BMPER: variants seen among roughly 807,000 people sequenced by gnomAD.
BMPER encodes BMP binding endothelial regulator, also known as BMP-binding endothelial regulator protein.
BMPER carries 45 observed loss-of-function variants against 87.3 expected under a neutral mutation model. That is an observed-to-expected ratio of 0.52 (90% confidence interval 0.41 to 0.66). The LOEUF is 0.66. Ranked by LOEUF, BMPER falls within the 30% of genes least tolerant of loss-of-function variation. BMPER has a pLI of 0.00. For synonymous variants in BMPER, 326 were observed against 316.2 expected (o/e 1.03, Z -0.33); for missense variants, 784 against 867.5 (o/e 0.90, Z 1.21).
chr7:34,032,121 C>T (rs1002413501), intron 6 of BMPER, among the ~76,000 whole-genome samples: 2 of 151,158 alleles, frequency 1.3e-5, no homozygotes, highest in Non-Finnish European at 3.0e-5. Context: ...CTCTATGAGA[C>T]TGAATACTAT....
chr7:34,129,260 T>A (rs1486483785), intron 13 of BMPER, among the ~76,000 whole-genome samples: 2 of 151,958 alleles, frequency 1.3e-5, no homozygotes, highest in Admixed American at 1.3e-4. Context: ...CTCAACACTT[T>A]GGGAGGCTGA....
intron 12 of BMPER, among the ~76,000 whole-genome samples, chr7:34,084,405 A>C (rs901237040): frequency 3.9e-5 from 6 of 152,148 alleles, no homozygotes; most frequent in African/African-American, 1.4e-4. Flanking sequence ...ACAGAGAGTG[A>C]ATTAGGAGAA....
chr7:33,936,067 C>A (rs931488309), intron 2 of BMPER, among the ~76,000 whole-genome samples: 3 of 152,152 alleles, frequency 2.0e-5, no homozygotes. Flanking sequence ...ACACACACAC[C>A]TGCAGGCTCG....
chr7:33,973,077 G>T (rs1298237368), intron 5 of BMPER, among the ~76,000 whole-genome samples: 1 of 152,218 alleles, frequency 6.6e-6, no homozygotes, highest in Non-Finnish European at 1.5e-5. Flanking sequence ...GGCATTCTTG[G>T]TCGACTGCTC....
At chr7:34,114,282 C>T (rs1351854152) in intron 13 of BMPER, among the ~76,000 whole-genome samples, 2 of 152,188 alleles carry the variant, frequency 1.3e-5, no homozygotes, top group Non-Finnish European at 2.9e-5. Flanking sequence ...GGACCTATGC[C>T]GGTCTACTTT....
rs1384649476 is a variant in BMPER at position 34,153,873 on chromosome 7, G to A, written c.*600G>A. 6.4e-6 allele frequency: 1 copy of A among 155,598 alleles called. No homozygotes were observed. The highest frequency in any genetic ancestry group is 1.4e-5 in the Non-Finnish European group (1 of 69,806). The allele number at this position is 155,598 out of a possible 1,614,324, so 9.6% of individuals were successfully genotyped here. A position where few individuals can be genotyped will look rare whatever the true frequency, so the allele number is the denominator to read the frequency against. On this transcript the variant is annotated 3_prime_UTR_variant, in exon 15 of 15. Coordinates refer to ENST00000649409, the MANE Select transcript of BMPER (RefSeq NM_001365308.1). ...ATGGGCTAACATTATTTCCAAAATT[G>A]ATTGGCTGGTTGCCAAGAAATATAT...
chr7:34,026,501 T>C (rs1787359493), intron 6 of BMPER, among the ~76,000 whole-genome samples: 1 of 152,094 alleles, frequency 6.6e-6, no homozygotes, highest in Admixed American at 6.5e-5. Flanking sequence ...ACACCAGGTC[T>C]GATTCTTTTA....
chr7:34,041,224 G>T (rs1245398890), intron 6 of BMPER, among the ~76,000 whole-genome samples: 2 of 152,148 alleles, frequency 1.3e-5, no homozygotes, highest in Non-Finnish European at 2.9e-5. Context: ...AGGCTTAGAG[G>T]CTCATTCTCT....
chr7:33,947,974 G>A (rs1784927623), intron 3 of BMPER, among the ~76,000 whole-genome samples: 1 of 152,128 alleles, frequency 6.6e-6, no homozygotes, highest in African/African-American at 2.4e-5. Context: ...TGTTGACAGA[G>A]TGAATTGTTT....
At chr7:33,971,826 C>T (rs1357668557) in intron 5 of BMPER, among the ~76,000 whole-genome samples, 1 of 152,208 alleles carries the variant, frequency 6.6e-6, no homozygotes, top group Admixed American at 6.5e-5. Flanking sequence ...ATATTTTATA[C>T]ACCATATAGA....
rs546728059 is a variant in BMPER at position 33,999,209 on chromosome 7, C to A, written c.576+24425C>A. 2.0e-5 allele frequency among the ~76,000 whole-genome samples: 3 copies of A among 152,334 alleles called. No homozygotes were observed. In the East Asian group the frequency reaches 5.8e-4, roughly 29 times the overall value. Reference sequence around the variant, plus strand: ...CTAGGCACTGGTTCCCTTTTGACTTCACTTTACCTGCCTGGGCACTGAGGA... The same window carrying A: ...CTAGGCACTGGTTCCCTTTTGACTTAACTTTACCTGCCTGGGCACTGAGGA... On this transcript the variant is annotated intron_variant, in intron 6 of 14. Transcript: ENST00000649409.
At chr7:34,076,064 C>T (rs527847177) in intron 11 of BMPER, among the ~76,000 whole-genome samples, 2 of 152,322 alleles carry the variant, frequency 1.3e-5, no homozygotes, top group South Asian at 2.1e-4. Context: ...GATTTCCAAA[C>T]CCTTCTCTTC....
chr7:34,011,590 A>T (rs1464438455), intron 6 of BMPER, among the ~76,000 whole-genome samples: 1 of 145,448 alleles, frequency 6.9e-6, no homozygotes, highest in African/African-American at 2.7e-5. Context: ...GGGCAAAAAA[A>T]AAAAAAAAAA....
At chr7:34,027,904 T>G (rs1787400649) in intron 6 of BMPER, among the ~76,000 whole-genome samples, 1 of 152,122 alleles carries the variant, frequency 6.6e-6, no homozygotes, top group African/African-American at 2.4e-5. Flanking sequence ...ATACCAATAT[T>G]TGGAAGATCT....
chr7:34,059,473 G>A (rs887433597), intron 10 of BMPER, among the ~76,000 whole-genome samples: 2 of 151,948 alleles, frequency 1.3e-5, no homozygotes, highest in Non-Finnish European at 2.9e-5. Context: ...CCACATTTGG[G>A]CCAGGGGCAT....
chr7:33,950,901 C>T (rs746216991), intron 3 of BMPER, among the ~76,000 whole-genome samples: 2 of 152,154 alleles, frequency 1.3e-5, no homozygotes, highest in Non-Finnish European at 2.9e-5. Context: ...ATAGCTTGCC[C>T]AATCAGTACA....
chr7:34,140,929 C>T (rs1264055410), intron 13 of BMPER, among the ~76,000 whole-genome samples: 1 of 152,140 alleles, frequency 6.6e-6, no homozygotes, highest in East Asian at 1.9e-4. Context: ...CAGGTCTTGG[C>T]AGTGGGAGCC....
At chr7:33,965,879 G>A (rs1785393571) in intron 3 of BMPER, among the ~76,000 whole-genome samples, 1 of 149,578 alleles carries the variant, frequency 6.7e-6, no homozygotes, top group South Asian at 2.1e-4. Flanking sequence ...CTTTAGATGG[G>A]TAGTTTCAGA....
intron 13 of BMPER, among the ~76,000 whole-genome samples, chr7:34,141,341 G>A (rs1790863057): frequency 1.3e-5 from 2 of 152,104 alleles, no homozygotes; most frequent in South Asian, 4.1e-4. Context: ...CAGGCACAGT[G>A]GCTCATGCTT....
Sources: allele counts gnomAD v4.1 joint callset (sites outside exome capture counted in the v4.1 genomes callset), GRCh38; gene constraint gnomAD v4.1.1; transcripts MANE v1.5; gene names NCBI Gene and HGNC (gene_info 2026-07-23, HGNC 2026-07-21).